Variants in STXBP5 observed in about 807,000 individuals in gnomAD.
STXBP5 encodes syntaxin-binding protein 5.
A neutral mutation model predicts 152.4 loss-of-function variants in STXBP5; 50 were observed. The observed-to-expected ratio is 0.33, with a 90% CI of 0.26 to 0.42. The LOEUF is 0.42. Ranked by LOEUF, STXBP5 falls within the 10% of genes least tolerant of loss-of-function variation. The pLI is 1.00. For synonymous variants in STXBP5, 492 were observed against 494.7 expected (o/e 0.99, Z 0.07); for missense variants, 1,167 against 1,388.6 (o/e 0.84, Z 2.54).
At chr6:147,328,868 G>A (rs1005823213) in intron 18 of STXBP5, 3 of 438,156 alleles carry the variant, frequency 6.8e-6, no homozygotes, top group East Asian at 7.0e-5. Flanking sequence ...TTATTAAAAC[G>A]TTCTATGTCT....
intron 25 of STXBP5, among the ~76,000 whole-genome samples, chr6:147,370,346 A>G (rs995576617): frequency 1.3e-5 from 2 of 152,074 alleles, no homozygotes; most frequent in East Asian, 1.9e-4. Context: ...ATATATGCAT[A>G]TGGCGAAATT....
At chr6:147,349,492 A>G (rs1784493563) in intron 21 of STXBP5, among the ~76,000 whole-genome samples, 1 of 152,268 alleles carries the variant, frequency 6.6e-6, no homozygotes, top group Admixed American at 6.5e-5. Context: ...TAAGTTTTAC[A>G]TCAAAAGAAA....
At chr6:147,341,097 A>G (rs1035063130) in intron 21 of STXBP5, among the ~76,000 whole-genome samples, 1 of 152,006 alleles carries the variant, frequency 6.6e-6, no homozygotes, top group Non-Finnish European at 1.5e-5. Flanking sequence ...AAATCACAAG[A>G]TTTGGGTATA....
intron 4 of STXBP5, among the ~76,000 whole-genome samples, chr6:147,255,604 C>T (rs1371104118): frequency 6.6e-6 from 1 of 152,140 alleles, no homozygotes; most frequent in Non-Finnish European, 1.5e-5. Flanking sequence ...AAGCAGTCCT[C>T]CTGCCTCAGC....
chr6:147,218,935 A>G (rs1300632921), intron 2 of STXBP5, among the ~76,000 whole-genome samples: 1 of 152,160 alleles, frequency 6.6e-6, no homozygotes, highest in Non-Finnish European at 1.5e-5. Flanking sequence ...ATCTATGTGC[A>G]TACCTTTTAT....
chr6:147,226,693 A>G (rs1777732842), intron 2 of STXBP5, among the ~76,000 whole-genome samples: 1 of 152,226 alleles, frequency 6.6e-6, no homozygotes, highest in Non-Finnish European at 1.5e-5. Context: ...GTTTTTTTCC[A>G]AGTAATATTG....
At chr6:147,220,691 T>C (rs1777414741) in intron 2 of STXBP5, among the ~76,000 whole-genome samples, 1 of 152,148 alleles carries the variant, frequency 6.6e-6, no homozygotes, top group African/African-American at 2.4e-5. Flanking sequence ...TACTTTGCTT[T>C]CTTTTGATTA....
At chr6:147,240,753 T>G (rs1778501884) in intron 4 of STXBP5, among the ~76,000 whole-genome samples, 1 of 152,180 alleles carries the variant, frequency 6.6e-6, no homozygotes, top group African/African-American at 2.4e-5. Context: ...TCTTAGATTG[T>G]CTTACTTGAT....
chr6:147,328,356 G>T (rs1783380175), intron 18 of STXBP5, among the ~76,000 whole-genome samples: 1 of 152,180 alleles, frequency 6.6e-6, no homozygotes, highest in African/African-American at 2.4e-5. Context: ...CAGAATACCA[G>T]TGTGTATTGA....
intron 6 of STXBP5, among the ~76,000 whole-genome samples, chr6:147,266,390 G>A (rs1485739323): frequency 6.6e-6 from 1 of 152,110 alleles, no homozygotes; most frequent in Non-Finnish European, 1.5e-5. Context: ...GACCCGAAAA[G>A]GAATCTTTGT....
chr6:147,300,061 C>A (rs1299499306), intron 9 of STXBP5, among the ~76,000 whole-genome samples: 1 of 151,876 alleles, frequency 6.6e-6, no homozygotes, highest in Non-Finnish European at 1.5e-5. Context: ...ATCTCATTTA[C>A]AATAGCTACT....
chr6:147,238,336 A>G (rs1778378343), intron 3 of STXBP5, among the ~76,000 whole-genome samples: 1 of 152,178 alleles, frequency 6.6e-6, no homozygotes, highest in African/African-American at 2.4e-5. Flanking sequence ...TAGCATAAGA[A>G]CTAATCCATC....
intron 25 of STXBP5, among the ~76,000 whole-genome samples, chr6:147,366,486 C>T (rs542390730): frequency 6.6e-6 from 1 of 152,166 alleles, no homozygotes; most frequent in Non-Finnish European, 1.5e-5. Context: ...GGGTCTTGCT[C>T]CCTCCAGAGG....
At chr6:147,376,539 C>T (rs1253588091) in intron 26 of STXBP5, among the ~76,000 whole-genome samples, 1 of 152,078 alleles carries the variant, frequency 6.6e-6, no homozygotes, top group Non-Finnish European at 1.5e-5. Flanking sequence ...AAGAAAAGGC[C>T]AGCGTCGAGT....
chr6:147,338,853 A>AT (rs1193085230), intron 19 of STXBP5, among the ~76,000 whole-genome samples: 4 of 151,646 alleles, frequency 2.6e-5, no homozygotes, highest in African/African-American at 7.2e-5. Context: ...AGAATTCCAG[A>AT]TTTTTTCGAA....
rs1023703997 is a variant in STXBP5, at chr6:147,281,402, C to T, written c.838+3198C>T. Reference sequence around the variant, plus strand: ...CATTAAAGTACAAAACTACATTCTGCATACCATAACAAGGGTATCATCTAT... The same window carrying T: ...CATTAAAGTACAAAACTACATTCTGTATACCATAACAAGGGTATCATCTAT... On this transcript the variant is annotated intron_variant, in intron 8 of 27. Coordinates refer to ENST00000321680, the MANE Select transcript of STXBP5 (RefSeq NM_001127715.4). Among the ~76,000 whole-genome samples, 7 of 152,290 alleles carry T rather than the reference C, an allele frequency of 4.6e-5. No homozygotes were observed. The East Asian group carries it at 1.4e-3, about 29-fold the overall frequency.
At chr6:147,330,367 T>C (rs1225129265) in intron 18 of STXBP5, among the ~76,000 whole-genome samples, 2 of 152,126 alleles carry the variant, frequency 1.3e-5, no homozygotes, top group African/African-American at 4.8e-5. Context: ...TTAAGAAGAA[T>C]CGTTTTTTCT....
At chr6:147,206,798 A>G (rs1206535758) in intron 2 of STXBP5, among the ~76,000 whole-genome samples, 1 of 152,164 alleles carries the variant, frequency 6.6e-6, no homozygotes, top group Non-Finnish European at 1.5e-5. Context: ...AATACTTCAA[A>G]AGATTTTTTT....
intron 2 of STXBP5, among the ~76,000 whole-genome samples, chr6:147,221,135 T>A (rs903251307): frequency 6.6e-6 from 1 of 152,128 alleles, no homozygotes; most frequent in Non-Finnish European, 1.5e-5. Context: ...GAAAGAACAC[T>A]GTACTGCTTC....
Sources: gnomAD v4.1 joint callset for allele counts (sites outside exome capture counted in the v4.1 genomes callset) on GRCh38, gnomAD v4.1.1 for gene constraint, MANE v1.5 for transcripts, NCBI Gene and HGNC (gene_info 2026-07-23, HGNC 2026-07-21) for gene names.